ANKRD40: variants seen among roughly 807,000 people sequenced by gnomAD.
The protein encoded by ANKRD40 is ankyrin repeat domain-containing protein 40.
In ANKRD40, 24 loss-of-function variants were observed where a neutral mutation model predicts 35.5. The observed-to-expected ratio is 0.68, with a 90% CI of 0.49 to 0.95. The LOEUF is 0.95. Ranked by LOEUF, ANKRD40 falls within the 40% of genes least tolerant of loss-of-function variation. The pLI, the probability that ANKRD40 is intolerant of heterozygous loss-of-function variation, is 0.00. For synonymous variants in ANKRD40, 147 were observed against 173.5 expected, an observed-to-expected ratio of 0.85 and a Z score of 1.20; for missense variants, 361 against 436.0, an observed-to-expected ratio of 0.83 and a Z score of 1.53.
At chr17:50,701,569 T>C (rs1352504711) in intron 1 of ANKRD40, among the ~76,000 whole-genome samples, 1 of 152,128 alleles carries the variant, frequency 6.6e-6, no homozygotes, top group African/African-American at 2.4e-5. Flanking sequence ...CAGCAAAAAC[T>C]CCATCTTAAC....
chr17:50,699,394 GT>G lies in ANKRD40; in HGVS notation c.778+4del. Reference sequence around the variant, plus strand: ...TGCAGAGGCTGTTTGCTGATGAGGGGTTACCTTGCATATTAAATGGAAATGC... The same window carrying G: ...TGCAGAGGCTGTTTGCTGATGAGGGGTACCTTGCATATTAAATGGAAATGC... On this transcript the variant is annotated splice_donor_region_variant and intron_variant, in intron 3 of 4. Coordinates refer to ENST00000285243, the MANE Select transcript of ANKRD40 (RefSeq NM_052855.4). 6.2e-7 allele frequency: 1 copy of G among 1,612,572 alleles called. No individual in the cohort carries two copies. Among genetic ancestry groups the G allele is most frequent in the East Asian group, 2.2e-5 (1 of 44,862 alleles).
rs1021345428 is a variant in ANKRD40 at position 50,695,907 on chromosome 17, G to A, written c.*90C>T. The A allele has an allele frequency of 5.3e-6, 8 of 1,504,596 alleles. No individual in the cohort carries two copies. The highest frequency in any genetic ancestry group is 1.4e-5 in the African/African-American group (1 of 71,930). The allele number at this position is 1,504,596 out of a possible 1,614,324, so 93.2% of individuals were successfully genotyped here. On this transcript the variant is annotated 3_prime_UTR_variant, in exon 5 of 5. Coordinates refer to ENST00000285243, the MANE Select transcript of ANKRD40 (RefSeq NM_052855.4). ...TGCAGTGGCACCAGAGGCCCTCCCG[G>A]GCATCTGAGGCATTTAGATCAATGG...
rs1223615016 is a variant in ANKRD40, at chr17:50,694,540, C to G, written c.*1457G>C. 6.6e-6 allele frequency: 1 copy of G among 152,228 alleles called. No homozygotes were observed. The highest frequency in any genetic ancestry group is 6.5e-5 in the Admixed American group (1 of 15,288). The allele number at this position is 152,228 out of a possible 1,614,324, so 9.4% of individuals were successfully genotyped here. On this transcript the variant is annotated 3_prime_UTR_variant, in exon 5 of 5. Coordinates refer to ENST00000285243, the MANE Select transcript of ANKRD40 (RefSeq NM_052855.4). ...CTCTTCGACAGCTGGCTTCAAACCCCTGCTCTCCTGTTTGTCTAAGTGTGC... is the reference window on the plus strand; with the variant it reads ...CTCTTCGACAGCTGGCTTCAAACCCGTGCTCTCCTGTTTGTCTAAGTGTGC...
Position 50,707,391 on chromosome 17 carries a change from A to C in ANKRD40, c.134+130T>G, listed in dbSNP as rs1004163122. On this transcript the variant is annotated intron_variant, in intron 1 of 4. Transcript: ENST00000285243. This position sits in a 1 kb window ranked among gnomAD's most constrained non-coding sequence, Gnocchi z 4.8. ...GCCAGGGCTGGCCTCAAGAGAGCAC[A>C]ATCTCGGAGGCCCGAGGTGGCAGGC... is the stretch of plus-strand genomic sequence containing the variant. The C allele has an allele frequency of 1.5e-6, 2 of 1,378,934 alleles. No individual in the cohort carries two copies. The highest frequency in any genetic ancestry group is 3.0e-5 in the African/African-American group (2 of 66,672). 85.4% of individuals were successfully genotyped at this position (1,378,934 alleles called of 1,614,324 possible).
At chr17:50,703,302 C>G (rs1251034276) in intron 1 of ANKRD40, among the ~76,000 whole-genome samples, 1 of 152,128 alleles carries the variant, frequency 6.6e-6, no homozygotes, top group Non-Finnish European at 1.5e-5. Flanking sequence ...CTTATTTAAT[C>G]CTCTAAACCC....
rs74254320 is a variant in ANKRD40 at position 50,705,963 on chromosome 17, T to C, written c.134+1558A>G. 7.5e-3 allele frequency among the ~76,000 whole-genome samples: 1,137 copies of C among 151,706 alleles called. 32 individuals carry two copies. Among genetic ancestry groups the C allele is most frequent in the Admixed American group, 0.048 (735 of 15,222 alleles). On this transcript the variant is annotated intron_variant, in intron 1 of 4. Transcript: ENST00000285243. ...CGTCAGCCACCGCGCCAGGTCCAGG[T>C]AGGTAGACTTTTGAGGCAGTCTGGA...
intron 1 of ANKRD40, among the ~76,000 whole-genome samples, chr17:50,705,550 T>C (rs753615894): frequency 1.1e-4 from 17 of 152,094 alleles, no homozygotes; most frequent in Non-Finnish European, 2.4e-4. Context: ...GATCTCACTA[T>C]GTTGCCCAGG....
rs550801978 is a variant in ANKRD40, at chr17:50,707,646, G to A, written c.9C>T (p.Ala3=). Residue 3 remains alanine, a synonymous_variant, in exon 1 of 5, where the codon GCC becomes GCT. Transcript: ENST00000285243. The surrounding 1 kb of genome is among the most constrained non-coding windows in gnomAD (Gnocchi z 4.8). MN[A]LLEQKEQQER... is the part of the protein sequence containing the mutation. ...CCTGCTGCTCCTTCTGCTCTAGGAG[G>A]GCGTTCATCTTCCCACAGCCCCAGG... 2.6e-6 allele frequency: 4 copies of A among 1,566,188 alleles called. No homozygotes were observed. The South Asian group carries it at 3.4e-5, about 13-fold the overall frequency.
At chr17:50,703,606 A>G (rs1968295017) in intron 1 of ANKRD40, among the ~76,000 whole-genome samples, 1 of 152,198 alleles carries the variant, frequency 6.6e-6, no homozygotes, top group Non-Finnish European at 1.5e-5. Flanking sequence ...GAGTGGGAAG[A>G]CAAAACGCAA....
At chr17:50,700,462 AAAG>A in intron 2 of ANKRD40, 103 bp downstream of exon 2, 3 of 1,192,724 alleles carry the variant, frequency 2.5e-6, no homozygotes, top group African/African-American at 1.7e-5. Context: ...AAAAAAAAAG[AAAG>A]AAATAGAGCA....
At chr17:50,705,120 CAAAAAAAAAA>C (rs56389674) in intron 1 of ANKRD40, among the ~76,000 whole-genome samples, 3 of 108,686 alleles carry the variant, frequency 2.8e-5, no homozygotes, top group Admixed American at 9.3e-5. Context: ...GACTCTGTCT[CAAAAAAAAAA>C]AAAAAAAAAA....
Position 50,694,243 on chromosome 17 carries a change from G to C in ANKRD40, c.*1754C>G, listed in dbSNP as rs1470466335. 1 of 152,054 alleles carries C rather than the reference G, an allele frequency of 6.6e-6. No individual in the cohort carries two copies. The highest frequency in any genetic ancestry group is 2.4e-5 in the African/African-American group (1 of 41,394). The allele number at this position is 152,054 out of a possible 1,614,324, so 9.4% of individuals were successfully genotyped here. On this transcript the variant is annotated 3_prime_UTR_variant, in exon 5 of 5. Coordinates refer to ENST00000285243, the MANE Select transcript of ANKRD40 (RefSeq NM_052855.4). ...GCAAACACTGTACAAGGGTGAGTAAGTCACCAGCAGTAATTGGTGGGATAC... is the reference window on the plus strand; with the variant it reads ...GCAAACACTGTACAAGGGTGAGTAACTCACCAGCAGTAATTGGTGGGATAC...
chr17:50,705,660 CTTT>C (rs901114991), intron 1 of ANKRD40, among the ~76,000 whole-genome samples: 9 of 127,154 alleles, frequency 7.1e-5, no homozygotes, highest in Admixed American at 2.4e-4. Context: ...GGAAGATAGA[CTTT>C]TTTTTTTTTT....
chr17:50,698,518 C>T (rs751655768), intron 3 of ANKRD40, among the ~76,000 whole-genome samples: 10 of 151,876 alleles, frequency 6.6e-5, no homozygotes, highest in Non-Finnish European at 1.0e-4. Flanking sequence ...AAATAATTGG[C>T]CTGGACTCTT....
In ANKRD40 at chr17:50,694,137, A is replaced by AAAAAAAAAGAAAAG. The variant is rs1052116288; in HGVS notation, c.*1859_*1860insCTTTTCTTTTTTTT. On this transcript the variant is annotated 3_prime_UTR_variant, in exon 5 of 5. Transcript: ENST00000285243. ...AAAGCAAGACTCCGTCTCAAAAAAA[A>AAAAAAAAAGAAAAG]AAAGAAAAGAAACACCAGGGAGGTT... 1 of 148,506 alleles carries AAAAAAAAAGAAAAG rather than the reference A, an allele frequency of 6.7e-6. No individual in the cohort carries two copies. The highest frequency in any genetic ancestry group is 1.5e-5 in the Non-Finnish European group (1 of 66,676). The allele number at this position is 148,506 out of a possible 1,614,324, so 9.2% of individuals were successfully genotyped here.
Position 50,695,797 on chromosome 17 carries a change from G to C in ANKRD40, c.*200C>G, listed in dbSNP as rs187840984. 3 of 543,566 alleles carry C rather than the reference G, an allele frequency of 5.5e-6. No individual in the cohort carries two copies. The highest frequency in any genetic ancestry group is 5.9e-5 in the East Asian group (2 of 34,034). 33.7% of individuals were successfully genotyped at this position (543,566 alleles called of 1,614,324 possible). On this transcript the variant is annotated 3_prime_UTR_variant, in exon 5 of 5. Coordinates refer to ENST00000285243, the MANE Select transcript of ANKRD40 (RefSeq NM_052855.4). Reference sequence around the variant, plus strand: ...CAAAGCTTCAAGCAATAGGTTTACTGTGCACCAAGAGGCTTGGAAGAGTGG... The same window carrying C: ...CAAAGCTTCAAGCAATAGGTTTACTCTGCACCAAGAGGCTTGGAAGAGTGG...
rs1411834129 is a variant in ANKRD40 at position 50,693,549 on chromosome 17, T to C, written c.*2448A>G. On this transcript the variant is annotated 3_prime_UTR_variant, in exon 5 of 5. Transcript: ENST00000285243. ...GACAGAGATACATCAAACCCACCTC[T>C]CACCAGAGACACCAGTCCCTTGCTT... is the stretch of plus-strand genomic sequence containing the variant. 6.6e-6 allele frequency: 1 copy of C among 152,230 alleles called. No individual in the cohort carries two copies. The highest frequency in any genetic ancestry group is 1.5e-5 in the Non-Finnish European group (1 of 68,068). The allele number at this position is 152,230 out of a possible 1,614,324, so 9.4% of individuals were successfully genotyped here. A position where few individuals can be genotyped will look rare whatever the true frequency, so the allele number is the denominator to read the frequency against.
intron 3 of ANKRD40, 72 bp from the exon 4 acceptor site, chr17:50,697,193 CAGA>C: frequency 7.2e-7 from 1 of 1,388,586 alleles, no homozygotes; most frequent in Non-Finnish European, 9.8e-7. Context: ...AGATCTTTTC[CAGA>C]AGATGGTTAT....
In ANKRD40 at chr17:50,699,828, G is replaced by C. The variant is rs1056269266; in HGVS notation, c.349C>G (p.Leu117Val). ...GCCAAATAGTTGGGAACAAAGGGCAGTTCTGACTCCTTCTTCAGCTGGGGG... is the reference window on the plus strand; with the variant it reads ...GCCAAATAGTTGGGAACAAAGGGCACTTCTGACTCCTTCTTCAGCTGGGGG... The part of the protein sequence containing the change: ...NLPQLKKESE[L>V]PFVPNYLANP... Residue 117 changes from leucine (L) to valine (V), a missense_variant, in exon 3 of 5, where the codon CTG becomes GTG. Around this residue, in one of 5 missense-constraint regions of ANKRD40, gnomAD observed 172 missense variants for 174.0 expected, o/e 0.99. Transcript: ENST00000285243. 1 of 1,538,542 alleles carries C rather than the reference G, an allele frequency of 6.5e-7. No homozygotes were observed. Among genetic ancestry groups the C allele is most frequent in the Non-Finnish European group, 8.7e-7 (1 of 1,144,318 alleles).
Sources: gnomAD v4.1 joint callset for allele counts (sites outside exome capture counted in the v4.1 genomes callset) on GRCh38, gnomAD v4.1.1 for gene constraint, gnomAD v4.1.1 regional missense constraint, Gnocchi (gnomAD v3.1) non-coding constraint, MANE v1.5 for transcripts, NCBI Gene and HGNC (gene_info 2026-07-23, HGNC 2026-07-21) for gene names.